SCRG1: variants seen among roughly 807,000 people sequenced by gnomAD.
The protein encoded by SCRG1 is stimulator of chondrogenesis 1.
SCRG1 carries 3 observed loss-of-function variants against 7.7 expected under a neutral mutation model. The observed-to-expected ratio is 0.39, with a 90% CI of 0.18 to 1.01. The LOEUF (loss-of-function observed/expected upper bound fraction) is 1.01, where lower values mean the gene tolerates loss of function less well. SCRG1 is among the 50% of genes least tolerant of loss of function. SCRG1 has a pLI of 0.36. For missense variants in SCRG1, 110 were observed against 117.2 expected, an observed-to-expected ratio of 0.94 and a Z score of 0.28; for synonymous variants, 46 against 41.2, an observed-to-expected ratio of 1.12 and a Z score of -0.44.
chr4:173,447,870 C>T, the SCRG1 span, among the ~76,000 whole-genome samples: 2 of 152,044 alleles, frequency 1.3e-5, no homozygotes, highest in Non-Finnish European at 2.9e-5. Flanking sequence ...TTTGGGAGGC[C>T]GAGGCAGGCG....
the SCRG1 span, among the ~76,000 whole-genome samples, chr4:173,443,823 A>G: frequency 6.6e-6 from 1 of 151,988 alleles, no homozygotes; most frequent in Admixed American, 6.6e-5. Flanking sequence ...GCGTCACTAT[A>G]CTTGGATTCT....
At chr4:173,488,016 G>A in the SCRG1 span, among the ~76,000 whole-genome samples, 50 of 152,062 alleles carry the variant, frequency 3.3e-4, no homozygotes, top group African/African-American at 1.1e-3. Context: ...CATGAGAATC[G>A]CTTGAGCCCC....
chr4:173,501,697 G>A, the SCRG1 span, among the ~76,000 whole-genome samples: 4 of 152,160 alleles, frequency 2.6e-5, no homozygotes, highest in South Asian at 2.1e-4. This position sits in a 1 kb window ranked among gnomAD's most constrained non-coding sequence, Gnocchi z 5.1. Flanking sequence ...TGGTCAGCTG[G>A]AGCGGGCTCC....
At chr4:173,485,142 TA>T in the SCRG1 span, among the ~76,000 whole-genome samples, 3 of 17,182 alleles carry the variant, frequency 1.7e-4, no homozygotes, top group African/African-American at 3.8e-4. Context: ...ATATATTACA[TA>T]TAATGTAATA....
chr4:173,505,693 T>C, the SCRG1 span, among the ~76,000 whole-genome samples: 1 of 152,146 alleles, frequency 6.6e-6, no homozygotes, highest in African/African-American at 2.4e-5. This position sits in a 1 kb window ranked among gnomAD's most constrained non-coding sequence, Gnocchi z 4.4. Context: ...AAATCCATAA[T>C]CTAAAGCATT....
At chr4:173,496,507 A>G in the SCRG1 span, among the ~76,000 whole-genome samples, 1 of 152,232 alleles carries the variant, frequency 6.6e-6, no homozygotes, top group African/African-American at 2.4e-5. Context: ...TTAAAAAACT[A>G]AATACATCTA....
chr4:173,413,473 G>A, the SCRG1 span, among the ~76,000 whole-genome samples: 17 of 152,350 alleles, frequency 1.1e-4, no homozygotes, highest in African/African-American at 4.1e-4. Context: ...AGCTTGTCAT[G>A]CATGCATTAA....
At chr4:173,518,134 C>T in the SCRG1 span, among the ~76,000 whole-genome samples, 1 of 152,214 alleles carries the variant, frequency 6.6e-6, no homozygotes, top group Non-Finnish European at 1.5e-5. Context: ...CTTCTGTTCT[C>T]TCGTTTTTTT....
the SCRG1 span, among the ~76,000 whole-genome samples, chr4:173,465,460 C>A: frequency 2.6e-5 from 4 of 152,102 alleles, no homozygotes; most frequent in African/African-American, 9.6e-5. Flanking sequence ...TTAAGATGAC[C>A]TTCAAGGTTC....
the SCRG1 span, among the ~76,000 whole-genome samples, chr4:173,430,461 G>A: frequency 6.6e-6 from 1 of 152,050 alleles, no homozygotes; most frequent in Non-Finnish European, 1.5e-5. Flanking sequence ...TAGGTAATGT[G>A]CCACCCAACA....
At chr4:173,501,229 A>G in the SCRG1 span, among the ~76,000 whole-genome samples, 1 of 152,142 alleles carries the variant, frequency 6.6e-6, no homozygotes, top group Non-Finnish European at 1.5e-5. This position sits in a 1 kb window ranked among gnomAD's most constrained non-coding sequence, Gnocchi z 5.1. Context: ...ACCGATTATC[A>G]CAAATGGTGA....
At chr4:173,516,818 AGG>A in the SCRG1 span, among the ~76,000 whole-genome samples, 3 of 152,224 alleles carry the variant, frequency 2.0e-5, no homozygotes, top group Non-Finnish European at 4.4e-5. Flanking sequence ...CGCGGCGCCG[AGG>A]GGGCCAGAGG....
chr4:173,422,490 C>T, the SCRG1 span, among the ~76,000 whole-genome samples: 1 of 152,196 alleles, frequency 6.6e-6, no homozygotes, highest in Non-Finnish European at 1.5e-5. Context: ...ACTCACTTCA[C>T]ATCCCTTCCC....
At chr4:173,500,089 C>T in the SCRG1 span, among the ~76,000 whole-genome samples, 1 of 152,242 alleles carries the variant, frequency 6.6e-6, no homozygotes, top group African/African-American at 2.4e-5. Context: ...AGGCAGCTGG[C>T]AGGGTTGCCA....
the SCRG1 span, among the ~76,000 whole-genome samples, chr4:173,516,060 AC>A: frequency 3.6e-3 from 541 of 151,750 alleles, 6 homozygotes; most frequent in Non-Finnish European, 6.4e-3. Flanking sequence ...TCATCTTCCC[AC>A]TCCCTGTTCC....
At chr4:173,411,241 A>G (rs941038698), upstream of SCRG1, among the ~76,000 whole-genome samples, 1 of 152,186 alleles carries the variant, frequency 6.6e-6, no homozygotes, top group Non-Finnish European at 1.5e-5. Context: ...CTGATCTAAC[A>G]CTGTCCTGGC....
At chr4:173,437,236 G>A in the SCRG1 span, among the ~76,000 whole-genome samples, 2 of 152,096 alleles carry the variant, frequency 1.3e-5, no homozygotes, top group Admixed American at 1.3e-4. Flanking sequence ...TACTATGTAA[G>A]ACACTCAAAA....
In SCRG1 at chr4:173,390,181, T is replaced by C. The variant is rs1578959859; in HGVS notation, c.242+992A>G. On this transcript the variant is annotated intron_variant, in intron 2 of 2. Coordinates refer to ENST00000296506, the MANE Select transcript of SCRG1 (RefSeq NM_007281.4). Reference sequence around the variant, plus strand: ...GTCTCAGCCTCCCAAGTAGCTGGGATTACAGGCATGTGCCACCATGCCTGG... The same window carrying C: ...GTCTCAGCCTCCCAAGTAGCTGGGACTACAGGCATGTGCCACCATGCCTGG... 2.0e-5 allele frequency among the ~76,000 whole-genome samples: 3 copies of C among 152,216 alleles called. No homozygotes were observed. The East Asian group carries it at 5.8e-4, about 30-fold the overall frequency.
the SCRG1 span, among the ~76,000 whole-genome samples, chr4:173,507,029 C>T: frequency 2.0e-5 from 3 of 152,324 alleles, no homozygotes; most frequent in Admixed American, 2.0e-4. The surrounding 1 kb of genome is among the most constrained non-coding windows in gnomAD (Gnocchi z 4.4). Flanking sequence ...CTCAGACATG[C>T]TGCGCTGCGG....
Sources: gnomAD v4.1 joint callset for allele counts (sites outside exome capture counted in the v4.1 genomes callset) on GRCh38, gnomAD v4.1.1 for gene constraint, Gnocchi (gnomAD v3.1) non-coding constraint, MANE v1.5 for transcripts, NCBI Gene and HGNC (gene_info 2026-07-23, HGNC 2026-07-21) for gene names.